DPP10: variants seen among roughly 807,000 people sequenced by gnomAD.
The protein encoded by DPP10 is dipeptidyl peptidase like 10, also known as inactive dipeptidyl peptidase 10.
DPP10 carries 33 observed loss-of-function variants against 120.9 expected under a neutral mutation model. That is an observed-to-expected ratio of 0.27 (90% CI 0.21 to 0.37). DPP10 has a LOEUF of 0.37. DPP10 is among the 10% of genes least tolerant of loss of function. The pLI is 1.00. For missense variants in DPP10, 816 were observed against 942.8 expected (o/e 0.87, Z 1.76); for synonymous variants, 337 against 326.1 (o/e 1.03, Z -0.36).
chr2:115,278,748 A>G (rs1010470716), intron 1 of DPP10, among the ~76,000 whole-genome samples: 5 of 152,026 alleles, frequency 3.3e-5, no homozygotes, highest in African/African-American at 9.7e-5. Flanking sequence ...ACATTAAGCT[A>G]TTCATAAGGA....
chr2:115,323,301 A>G, intron 2 of DPP10, among the ~76,000 whole-genome samples: 1 of 152,206 alleles, frequency 6.6e-6, no homozygotes, highest in Non-Finnish European at 1.5e-5. Context: ...CTCCTCGTTC[A>G]TTCAAGATTT....
intron 1 of DPP10, among the ~76,000 whole-genome samples, chr2:114,762,867 G>T (rs1392280146): frequency 6.6e-6 from 1 of 152,124 alleles, no homozygotes; most frequent in Non-Finnish European, 1.5e-5. Flanking sequence ...ATGTGTTCTG[G>T]GAATGTTGAG....
intron 1 of DPP10, among the ~76,000 whole-genome samples, chr2:115,249,505 T>C (rs1350557037): frequency 2.0e-5 from 3 of 152,070 alleles, no homozygotes; most frequent in Non-Finnish European, 4.4e-5. Context: ...AGAAATGAGG[T>C]TGAAAATGCA....
At chr2:114,731,787 G>C (rs1022479410) in intron 1 of DPP10, among the ~76,000 whole-genome samples, 3 of 152,196 alleles carry the variant, frequency 2.0e-5, no homozygotes, top group South Asian at 2.1e-4. Flanking sequence ...GAAGGTTGTG[G>C]GGACACCATG....
Position 115,653,359 on chromosome 2 carries a change from C to T in DPP10, c.442-36328C>T, listed in dbSNP as rs773227935. ...ATGACTGCACAGAAGAAATATCTAACGCTAGCATTTTATATTTTACCCAAT... is the reference window on the plus strand; with the variant it reads ...ATGACTGCACAGAAGAAATATCTAATGCTAGCATTTTATATTTTACCCAAT... On this transcript the variant is annotated intron_variant, in intron 5 of 25. Coordinates refer to ENST00000410059, the MANE Select transcript of DPP10 (RefSeq NM_020868.6). 4.0e-5 allele frequency among the ~76,000 whole-genome samples: 6 copies of T among 151,836 alleles called. No homozygotes were observed. The East Asian group carries it at 5.8e-4, about 15-fold the overall frequency.
chr2:114,630,660 A>G (rs1032412486), intron 1 of DPP10, among the ~76,000 whole-genome samples: 61 of 152,334 alleles, frequency 4.0e-4, no homozygotes, highest in African/African-American at 1.3e-3. Flanking sequence ...AAGGTTTACC[A>G]ATGAGATAGC....
At chr2:115,173,435 A>T (rs1478109004) in intron 1 of DPP10, among the ~76,000 whole-genome samples, 1 of 152,196 alleles carries the variant, frequency 6.6e-6, no homozygotes, top group East Asian at 1.9e-4. Flanking sequence ...TAAACCTCAA[A>T]ATGAGTCATT....
rs10189234 is a variant in DPP10 at position 115,045,572 on chromosome 2, T to A, written c.61-263667T>A. Among the ~76,000 whole-genome samples the A allele has an allele frequency of 8.3e-4, 126 of 152,268 alleles. 1 individual carries two copies. The highest frequency in any genetic ancestry group is 2.9e-3 in the African/African-American group (120 of 41,564). On this transcript the variant is annotated intron_variant, in intron 1 of 25. Coordinates refer to ENST00000410059, the MANE Select transcript of DPP10 (RefSeq NM_020868.6). Reference sequence around the variant, plus strand: ...GTGACCAGGAAGCACTGAGTTCTAATGCAAAGTCCCGCAATCACTGCACTC... The same window carrying A: ...GTGACCAGGAAGCACTGAGTTCTAAAGCAAAGTCCCGCAATCACTGCACTC...
At chr2:115,236,064 T>C (rs930848297) in intron 1 of DPP10, among the ~76,000 whole-genome samples, 11 of 152,146 alleles carry the variant, frequency 7.2e-5, no homozygotes, top group Non-Finnish European at 1.6e-4. Flanking sequence ...ACAAAACCTA[T>C]ACATACTCCC....
intron 3 of DPP10, among the ~76,000 whole-genome samples, chr2:115,473,263 G>T (rs1426829260): frequency 6.6e-6 from 1 of 152,140 alleles, no homozygotes; most frequent in African/African-American, 2.4e-5. Context: ...TTGAGCCAGG[G>T]TTAGTAAGTT....
chr2:115,246,505 T>C (rs1185391890), intron 1 of DPP10, among the ~76,000 whole-genome samples: 1 of 152,148 alleles, frequency 6.6e-6, no homozygotes, highest in African/African-American at 2.4e-5. Context: ...ATGATCAGTG[T>C]GAACAAATGT....
intron 1 of DPP10, among the ~76,000 whole-genome samples, chr2:115,193,858 T>C (rs2055058649): frequency 6.6e-6 from 1 of 152,198 alleles, no homozygotes; most frequent in Non-Finnish European, 1.5e-5. Flanking sequence ...TAAATAAGTG[T>C]CATCCAGTCC....
intron 1 of DPP10, among the ~76,000 whole-genome samples, chr2:115,020,288 A>G (rs946893491): frequency 6.6e-6 from 1 of 152,190 alleles, no homozygotes; most frequent in Non-Finnish European, 1.5e-5. Context: ...AAGGACTCAC[A>G]TAAACTTTAG....
intron 1 of DPP10, among the ~76,000 whole-genome samples, chr2:115,118,732 A>G (rs1559116253): frequency 1.3e-5 from 2 of 148,914 alleles, no homozygotes; most frequent in African/African-American, 2.5e-5. Context: ...AGCACATGCC[A>G]CCACACACAG....
chr2:115,607,435 G>A (rs975181336), intron 5 of DPP10, among the ~76,000 whole-genome samples: 6 of 152,080 alleles, frequency 3.9e-5, no homozygotes, highest in Non-Finnish European at 1.5e-5. Flanking sequence ...AACTGTTTAT[G>A]TACAAAAAAT....
intron 17 of DPP10, among the ~76,000 whole-genome samples, chr2:115,788,091 G>C (rs926079479): frequency 6.6e-6 from 1 of 151,996 alleles, no homozygotes; most frequent in Non-Finnish European, 1.5e-5. Flanking sequence ...ATAACAAATT[G>C]ATCAATAAAA....
At chr2:115,764,290 ATTGT>A (rs1209855243) in intron 12 of DPP10, among the ~76,000 whole-genome samples, 1 of 152,152 alleles carries the variant, frequency 6.6e-6, no homozygotes, top group Non-Finnish European at 1.5e-5. Context: ...ATTATAAATA[ATTGT>A]TTGTCTGAAG....
chr2:114,856,547 T>C (rs2106510290), intron 1 of DPP10, among the ~76,000 whole-genome samples: 1 of 152,312 alleles, frequency 6.6e-6, no homozygotes, highest in Non-Finnish European at 1.5e-5. Context: ...TAAAATACTA[T>C]ATAGCAATGA....
chr2:115,840,318 G>GTTTTTTTTTTTTTTTTTTTTTTTT (rs1559227733), intron 24 of DPP10, among the ~76,000 whole-genome samples: 10 of 31,886 alleles, frequency 3.1e-4, no homozygotes, highest in African/African-American at 9.8e-4. Context: ...AAGGTTTTTT[G>GTTTTTTTTTTTTTTTTTTTTTTTT]GTTTTTTTTT....
Sources: gnomAD v4.1 joint callset for allele counts (sites outside exome capture counted in the v4.1 genomes callset) on GRCh38, gnomAD v4.1.1 for gene constraint, MANE v1.5 for transcripts, NCBI Gene and HGNC (gene_info 2026-07-23, HGNC 2026-07-21) for gene names.